CDKL4: variants seen among roughly 807,000 people sequenced by gnomAD.
The protein encoded by CDKL4 is cyclin dependent kinase like 4.
A neutral mutation model predicts 42.0 loss-of-function variants in CDKL4; 44 were observed. The ratio of observed to expected loss-of-function variants is 1.05; its 90% CI spans 0.82 to 1.35. The LOEUF is 1.35. CDKL4 is among the 40% of genes most tolerant of loss of function. The pLI is 0.00. For synonymous variants in CDKL4, 120 were observed against 121.6 expected (o/e 0.99, Z 0.09); for missense variants, 393 against 369.9 (o/e 1.06, Z -0.51).
intron 2 of CDKL4, among the ~76,000 whole-genome samples, chr2:39,228,046 G>C (rs749278452): frequency 3.9e-5 from 6 of 152,202 alleles, no homozygotes; most frequent in Admixed American, 1.3e-4. Flanking sequence ...GCCTTCATCA[G>C]AGACCAAGCT....
intron 3 of CDKL4, among the ~76,000 whole-genome samples, chr2:39,215,746 G>A (rs1295899809): frequency 6.6e-6 from 1 of 152,194 alleles, no homozygotes; most frequent in Non-Finnish European, 1.5e-5. Context: ...AACAGCAAGT[G>A]ATGTACACGG....
chr2:39,172,085 C>T (rs1176844959), downstream of CDKL4, among the ~76,000 whole-genome samples: 6 of 151,946 alleles, frequency 3.9e-5, no homozygotes, highest in African/African-American at 1.2e-4. Context: ...CCGAGGCAGG[C>T]GGATCACGAG....
At chr2:39,234,483 G>A (rs186049961) in intron 1 of CDKL4, among the ~76,000 whole-genome samples, 1 of 152,188 alleles carries the variant, frequency 6.6e-6, no homozygotes, top group East Asian at 1.9e-4. Flanking sequence ...AGGAAAAGAA[G>A]TCCGAACGTA....
chr2:39,227,064 G>T (rs1198698028), intron 2 of CDKL4, among the ~76,000 whole-genome samples: 1 of 152,172 alleles, frequency 6.6e-6, no homozygotes, highest in African/African-American at 2.4e-5. Flanking sequence ...CGGATTACAG[G>T]CGTGAGCCAT....
At position 39,179,181 on chromosome 2, in the gene CDKL4, A is replaced by G; in HGVS notation, c.927+6T>C. The G allele has an allele frequency of 6.3e-7, 1 of 1,592,096 alleles. No individual in the cohort carries two copies. The highest frequency in any genetic ancestry group is 8.5e-7 in the Non-Finnish European group (1 of 1,174,954). On this transcript the variant is annotated splice_donor_region_variant and intron_variant, in intron 9 of 9. Coordinates refer to ENST00000451199, the Ensembl canonical transcript of CDKL4. ...TTATAGCACTTTAACTTTTGAGCGG[A>G]AGTACCTGTTGGCGTCTTCTGTTTC...
chr2:39,210,314 G>A (rs1384780962), intron 4 of CDKL4, among the ~76,000 whole-genome samples: 1 of 152,080 alleles, frequency 6.6e-6, no homozygotes, highest in African/African-American at 2.4e-5. Context: ...ATTTTTAATA[G>A]AGGCCACATA....
chr2:39,183,877 C>T (rs1011899646), intron 8 of CDKL4, among the ~76,000 whole-genome samples: 2 of 152,124 alleles, frequency 1.3e-5, no homozygotes, highest in African/African-American at 4.8e-5. Flanking sequence ...AGCACCATGG[C>T]AGTGACCAGC....
At chr2:39,237,555 C>A (rs920423014) in intron 1 of CDKL4, among the ~76,000 whole-genome samples, 1 of 152,136 alleles carries the variant, frequency 6.6e-6, no homozygotes, top group Non-Finnish European at 1.5e-5. Flanking sequence ...AAGGCATATA[C>A]ATTGAAAACG....
At chr2:39,234,460 T>C (rs1025559910) in intron 1 of CDKL4, among the ~76,000 whole-genome samples, 4 of 151,896 alleles carry the variant, frequency 2.6e-5, no homozygotes, top group African/African-American at 9.7e-5. Context: ...AGACAGAAAG[T>C]TGAAATGGAG....
chr2:39,221,684 C>A (rs1030930859), intron 3 of CDKL4, among the ~76,000 whole-genome samples: 2 of 152,216 alleles, frequency 1.3e-5, no homozygotes, highest in East Asian at 3.8e-4. Flanking sequence ...CTTAAGAGTG[C>A]AAAGTGGGAT....
intron 1 of CDKL4, among the ~76,000 whole-genome samples, chr2:39,239,698 C>G (rs1156307155): frequency 1.3e-5 from 2 of 152,144 alleles, no homozygotes; most frequent in African/African-American, 4.8e-5. Context: ...CTGACAATAT[C>G]AAGTGTTGAT....
chr2:39,203,506 T>C (rs1217248646), intron 5 of CDKL4, among the ~76,000 whole-genome samples: 1 of 152,212 alleles, frequency 6.6e-6, no homozygotes, highest in Non-Finnish European at 1.5e-5. Context: ...TGGATGACTA[T>C]CATTCACTTA....
chr2:39,240,976 G>A (rs1679630872), intron 1 of CDKL4, among the ~76,000 whole-genome samples: 1 of 152,220 alleles, frequency 6.6e-6, no homozygotes, highest in Non-Finnish European at 1.5e-5. Flanking sequence ...TCAAAGCACT[G>A]TTCCAGATTG....
At chr2:39,175,265 G>A (rs1318116001), downstream of CDKL4, among the ~76,000 whole-genome samples, 1 of 152,156 alleles carries the variant, frequency 6.6e-6, no homozygotes, top group African/African-American at 2.4e-5. Flanking sequence ...GACAGGAGGA[G>A]AAAAGGATAA....
chr2:39,180,686 C>CT (rs1167370938), intron 8 of CDKL4, among the ~76,000 whole-genome samples: 4,216 of 120,980 alleles, frequency 0.035, 200 homozygotes, highest in African/African-American at 0.092. Context: ...GAGAGAAAGA[C>CT]TTTTTTTTTT....
chr2:39,214,292 G>A (rs1003886119), intron 3 of CDKL4, among the ~76,000 whole-genome samples: 1 of 152,002 alleles, frequency 6.6e-6, no homozygotes, highest in Non-Finnish European at 1.5e-5. Flanking sequence ...ACATATAAAA[G>A]TATATACATG....
At chr2:39,179,358 G>T (rs774434210) in intron 8 of CDKL4, 37 bp from the exon 9 acceptor site, 1 of 1,511,932 alleles carries the variant, frequency 6.6e-7, no homozygotes, top group Non-Finnish European at 8.9e-7. Context: ...GATGTTAAGG[G>T]AGGGGCTCAT....
chr2:39,186,748 T>A (rs6758935), intron 7 of CDKL4, among the ~76,000 whole-genome samples: 135,149 of 151,992 alleles, frequency 0.89, 60,348 homozygotes, highest in Non-Finnish European at 0.94. Flanking sequence ...TTTTAAATGC[T>A]TTTTTTTTCA....
At chr2:39,183,227 C>T (rs952393332) in intron 8 of CDKL4, among the ~76,000 whole-genome samples, 5 of 151,296 alleles carry the variant, frequency 3.3e-5, no homozygotes, top group East Asian at 2.0e-4. Flanking sequence ...TTACAGTGAG[C>T]GGAGAACTCC....
Sources: allele counts gnomAD v4.1 joint callset (sites outside exome capture counted in the v4.1 genomes callset), GRCh38; gene constraint gnomAD v4.1.1; transcripts MANE v1.5; gene names NCBI Gene and HGNC (gene_info 2026-07-23, HGNC 2026-07-21).